The following ABCC1 variants were observed in gnomAD, a reference collection of about 807,000 sequenced individuals.
ABCC1 encodes the protein ATP binding cassette subfamily C member 1 (ABCC1 blood group), also known as multidrug resistance-associated protein 1.
In ABCC1, 83 loss-of-function variants were observed where a neutral mutation model predicts 172.9. The observed-to-expected ratio is 0.48, with a 90% confidence interval of 0.40 to 0.58. The LOEUF (loss-of-function observed/expected upper bound fraction) is 0.58. Ranked by LOEUF, ABCC1 falls within the 20% of genes least tolerant of loss-of-function variation. The pLI is 0.00. For missense variants in ABCC1, 1,817 were observed against 2,002.7 expected, an observed-to-expected ratio of 0.91 and a Z score of 1.77; for synonymous variants, 937 against 825.2, an observed-to-expected ratio of 1.14 and a Z score of -2.32.
At chr16:16,013,299 C>G (rs564735003) in intron 3 of ABCC1, among the ~76,000 whole-genome samples, 1 of 149,220 alleles carries the variant, frequency 6.7e-6, no homozygotes, top group Non-Finnish European at 1.5e-5. Flanking sequence ...GAGATAGCGT[C>G]TCACTCTGTC....
intron 22 of ABCC1, among the ~76,000 whole-genome samples, chr16:16,112,843 C>T (rs1375928809): frequency 1.3e-5 from 2 of 152,170 alleles, no homozygotes; most frequent in Admixed American, 6.5e-5. Flanking sequence ...CACAGTGCTC[C>T]GAGGTCAGCG....
chr16:16,064,840 T>G (rs2050055108), intron 12 of ABCC1, among the ~76,000 whole-genome samples: 2 of 152,218 alleles, frequency 1.3e-5, no homozygotes, highest in African/African-American at 4.8e-5. Flanking sequence ...GGAACATTCA[T>G]TTTTCACGGA....
intron 21 of ABCC1, among the ~76,000 whole-genome samples, chr16:16,109,351 A>T (rs945337411): frequency 6.6e-5 from 10 of 151,688 alleles, no homozygotes; most frequent in Non-Finnish European, 1.2e-4. Context: ...TAATTTTAAA[A>T]TTTTTTGTAG....
chr16:16,116,374 A>G (rs1344222094), intron 23 of ABCC1, among the ~76,000 whole-genome samples: 1 of 152,098 alleles, frequency 6.6e-6, no homozygotes, highest in Non-Finnish European at 1.5e-5. Flanking sequence ...GACTCCCCCA[A>G]TGGATGCCTT....
chr16:16,074,073 C>T (rs544281449), intron 14 of ABCC1, among the ~76,000 whole-genome samples: 1 of 152,252 alleles, frequency 6.6e-6, no homozygotes, highest in South Asian at 2.1e-4. Context: ...TCAGCTCAGC[C>T]CCCTGGTGTG....
intron 22 of ABCC1, among the ~76,000 whole-genome samples, chr16:16,113,587 C>A (rs112992529): frequency 6.6e-6 from 1 of 151,976 alleles, no homozygotes; most frequent in African/African-American, 2.4e-5. Flanking sequence ...CCCAGGAGGT[C>A]GAGGCTGCAG....
chr16:16,041,640 A>G (rs527610329), intron 7 of ABCC1, among the ~76,000 whole-genome samples: 1 of 152,304 alleles, frequency 6.6e-6, no homozygotes, highest in South Asian at 2.1e-4. Flanking sequence ...CCTTACACTC[A>G]GATCCCTTTT....
At chr16:16,007,580 CTG>C (rs2047591851) in intron 1 of ABCC1, among the ~76,000 whole-genome samples, 1 of 152,186 alleles carries the variant, frequency 6.6e-6, no homozygotes, top group African/African-American at 2.4e-5. Flanking sequence ...GACAGGGTCT[CTG>C]TTGCTCAGGT....
At chr16:16,079,156 GC>G (rs1437909500) in intron 15 of ABCC1, among the ~76,000 whole-genome samples, 195 bp from the exon 16 acceptor site, 1 of 152,162 alleles carries the variant, frequency 6.6e-6, no homozygotes, top group Non-Finnish European at 1.5e-5. Context: ...CCACCTGGAG[GC>G]CCCCTGAGAC....
intron 1 of ABCC1, among the ~76,000 whole-genome samples, chr16:15,988,315 T>C (rs1179580816): frequency 1.3e-5 from 2 of 152,188 alleles, no homozygotes; most frequent in Admixed American, 6.6e-5. Context: ...TTCTAAACCA[T>C]CTGTCTCTTC....
chr16:15,981,256 T>TG (rs920142056), intron 1 of ABCC1, among the ~76,000 whole-genome samples: 15 of 152,342 alleles, frequency 9.8e-5, no homozygotes, highest in African/African-American at 3.6e-4. Flanking sequence ...TGGAGGATGG[T>TG]GGCCCTCTTC....
intron 7 of ABCC1, among the ~76,000 whole-genome samples, chr16:16,038,963 C>A (rs1219779736): frequency 6.6e-6 from 1 of 152,206 alleles, no homozygotes; most frequent in African/African-American, 2.4e-5. Flanking sequence ...AGCTCCTCCA[C>A]TGGCCTGGCT....
chr16:16,040,618 T>C (rs2048939744), intron 7 of ABCC1, among the ~76,000 whole-genome samples: 2 of 151,990 alleles, frequency 1.3e-5, no homozygotes, highest in South Asian at 2.1e-4. Context: ...ATTATTATTA[T>C]ACTTTAAGTT....
chr16:16,125,961 C>G (rs750452998), intron 26 of ABCC1, 50 bp downstream of exon 26: 7 of 1,422,742 alleles, frequency 4.9e-6, no homozygotes, highest in East Asian at 4.6e-5. Flanking sequence ...GTAGCTTTAC[C>G]CCAAGGAGAT....
At position 16,141,180 on chromosome 16, in the gene ABCC1, G is replaced by A. The variant is rs1387912365; in HGVS notation, c.4495G>A (p.Val1499Ile). The A allele has an allele frequency of 6.8e-6, 11 of 1,613,834 alleles. No homozygotes were observed. The highest frequency in any genetic ancestry group is 1.7e-4 in the Middle Eastern group (1 of 6,056). Residue 1499 changes from valine to isoleucine, a missense_variant, in exon 31 of 31, where the codon GTC becomes ATC. By Grantham distance (29) the Val-to-Ile change is conservative (BLOSUM62 3). This residue lies in a region of ABCC1 where 1,412 missense variants were observed against 1,600.3 expected (regional missense o/e 0.88). Transcript: ENST00000399410. The stretch of plus-strand genomic sequence containing the variant: ...GTATCCCCTCTCCCTCAGGGTGATC[G>A]TCTTGGACAAAGGAGAAATCCAGGA... ...NTIMDYTRVIVLDKGEIQEYG... is the reference protein window; with the variant it reads ...NTIMDYTRVIILDKGEIQEYG...
At chr16:16,125,044 A>C (rs1378909173) in intron 25 of ABCC1, 129 bp downstream of exon 25, 5 of 1,369,376 alleles carry the variant, frequency 3.7e-6, no homozygotes, top group Non-Finnish European at 5.0e-6. Context: ...TTTGAGGAGC[A>C]GGTACAGTGC....
Position 16,138,349 on chromosome 16 carries a change from T to C in ABCC1, c.4293-15T>C, listed in dbSNP as rs1185489328. 3.8e-6 allele frequency: 6 copies of C among 1,569,216 alleles called. No individual in the cohort carries two copies. The highest frequency in any genetic ancestry group is 5.2e-6 in the Non-Finnish European group (6 of 1,147,376). Reference sequence around the variant, plus strand: ...TGACCCAACACTATCTCCTGGTTTTTTTCTTCCGGTCAAGTGTCGGGCAGC... The same window carrying C: ...TGACCCAACACTATCTCCTGGTTTTCTTCTTCCGGTCAAGTGTCGGGCAGC... On this transcript the variant is annotated splice_polypyrimidine_tract_variant and intron_variant, in intron 29 of 30. Coordinates refer to ENST00000399410, the MANE Select transcript of ABCC1 (RefSeq NM_004996.4).
chr16:15,964,004 C>T (rs1354572805), intron 1 of ABCC1, among the ~76,000 whole-genome samples: 1 of 151,732 alleles, frequency 6.6e-6, no homozygotes, highest in African/African-American at 2.4e-5. Flanking sequence ...AGTGCAATGG[C>T]ATGATCTCGG....
At chr16:16,103,854 C>G (rs1053821059) in intron 20 of ABCC1, among the ~76,000 whole-genome samples, 2 of 152,128 alleles carry the variant, frequency 1.3e-5, no homozygotes, top group Non-Finnish European at 2.9e-5. Flanking sequence ...TCACTGACTT[C>G]AAGAATGAAG....
Sources: allele counts gnomAD v4.1 joint callset (sites outside exome capture counted in the v4.1 genomes callset), GRCh38; gene constraint gnomAD v4.1.1; regional missense constraint gnomAD v4.1.1; transcripts MANE v1.5; gene names NCBI Gene and HGNC (gene_info 2026-07-23, HGNC 2026-07-21).